Variants in BCL2 observed in about 807,000 individuals in gnomAD.
BCL2 encodes apoptosis regulator Bcl-2.
A neutral mutation model predicts 14.2 loss-of-function variants in BCL2; 1 was observed. That is an observed-to-expected ratio of 0.07 (90% confidence interval 0.02 to 0.33). The LOEUF (loss-of-function observed/expected upper bound fraction) is 0.33, where lower values mean the gene tolerates loss of function less well. Ranked by LOEUF, BCL2 falls within the 10% of genes least tolerant of loss-of-function variation. The pLI is 0.99. For missense variants in BCL2, 247 were observed against 305.9 expected (o/e 0.81, Z 1.44); for synonymous variants, 151 against 137.2 (o/e 1.10, Z -0.70).
chr18:63,297,539 T>A (rs1912833924), intron 2 of BCL2, among the ~76,000 whole-genome samples: 1 of 152,202 alleles, frequency 6.6e-6, no homozygotes, highest in Non-Finnish European at 1.5e-5. Context: ...CACACCTTGG[T>A]GGCACAGAGC....
chr18:63,168,944 C>A (rs190285610), intron 2 of BCL2, among the ~76,000 whole-genome samples: 4 of 152,208 alleles, frequency 2.6e-5, no homozygotes, highest in African/African-American at 9.7e-5. Flanking sequence ...ACACGCTCAG[C>A]GGTCATCTGT....
chr18:63,235,664 C>T (rs1184781894), intron 2 of BCL2, among the ~76,000 whole-genome samples: 4 of 150,994 alleles, frequency 2.6e-5, no homozygotes, highest in Non-Finnish European at 2.9e-5. Context: ...AAGGAAAAAG[C>T]GGGTGGAAAT....
intron 2 of BCL2, among the ~76,000 whole-genome samples, chr18:63,155,182 A>C (rs1490674377): frequency 1.3e-5 from 2 of 152,206 alleles, no homozygotes; most frequent in African/African-American, 4.8e-5. Context: ...AGGTCGGCAC[A>C]GGGCGGGCAG....
chr18:63,125,657 CA>C lies in BCL2; in HGVS notation c.*2967del. 4.8e-6 allele frequency: 1 copy of C among 209,654 alleles called. No individual in the cohort carries two copies. Among genetic ancestry groups the C allele is most frequent in the Admixed American group, 5.9e-5 (1 of 16,914 alleles). 13.0% of individuals were successfully genotyped at this position (209,654 alleles called of 1,614,324 possible). Reference sequence around the variant, plus strand: ...GGGATGGTTCTCTGTTGCCCAACTGCAAAATAATTAGATATAATGAAAAAAA... The same window carrying C: ...GGGATGGTTCTCTGTTGCCCAACTGCAAATAATTAGATATAATGAAAAAAA... On this transcript the variant is annotated 3_prime_UTR_variant, in exon 3 of 3. Coordinates refer to ENST00000333681, the MANE Select transcript of BCL2 (RefSeq NM_000633.3).
In BCL2 at chr18:63,318,523, G is replaced by A. The variant is rs767668991; in HGVS notation, c.144C>T (p.Ile48=). 7 of 1,573,766 alleles carry A rather than the reference G, an allele frequency of 4.4e-6. No individual in the cohort carries two copies. The highest frequency in any genetic ancestry group is 1.7e-4 in the Middle Eastern group (1 of 5,958). Residue 48 remains isoleucine (I), a synonymous_variant, in exon 2 of 3, where the codon ATC becomes ATT. Coordinates refer to ENST00000333681, the MANE Select transcript of BCL2 (RefSeq NM_000633.3). The surrounding 1 kb of genome is among the most constrained non-coding windows in gnomAD (Gnocchi z 7.4). ...GCGTGTGCCCGGGCTGGGAGGAGAA[G>A]ATGCCCGGTGCGGGGGCGGCCCCCG... ...APPGAAPAPG[I]FSSQPGHTPH... is the part of the protein sequence containing the mutation.
chr18:63,237,826 C>A (rs1910883054), intron 2 of BCL2, among the ~76,000 whole-genome samples: 1 of 152,116 alleles, frequency 6.6e-6, no homozygotes, highest in South Asian at 2.1e-4. Flanking sequence ...TGCTAACAAC[C>A]CATTGTAAAT....
Position 63,149,985 on chromosome 18 carries a change from T to C in BCL2, c.586-21226A>G, listed in dbSNP as rs910683672. 5.3e-5 allele frequency among the ~76,000 whole-genome samples: 8 copies of C among 152,232 alleles called. No homozygotes were observed. The East Asian group carries it at 1.4e-3, about 26-fold the overall frequency. On this transcript the variant is annotated intron_variant, in intron 2 of 2. Transcript: ENST00000333681. The surrounding 1 kb of genome is among the most constrained non-coding windows in gnomAD (Gnocchi z 4.2). ...GCCTCTGCCTCCCAGGTTCAAGCAATTCTCCTGCCTCAGTCTTCCCGAATG... is the reference window on the plus strand; with the variant it reads ...GCCTCTGCCTCCCAGGTTCAAGCAACTCTCCTGCCTCAGTCTTCCCGAATG...
intron 2 of BCL2, among the ~76,000 whole-genome samples, chr18:63,203,849 A>G (rs1909766088): frequency 6.6e-6 from 1 of 152,248 alleles, no homozygotes; most frequent in Non-Finnish European, 1.5e-5. Flanking sequence ...GTATTTCTTC[A>G]AATAATGTAC....
intron 2 of BCL2, among the ~76,000 whole-genome samples, chr18:63,303,323 T>C (rs1370746306): frequency 6.6e-6 from 1 of 152,160 alleles, no homozygotes; most frequent in Non-Finnish European, 1.5e-5. Flanking sequence ...TTTCAAAGGC[T>C]ATTTAAACAG....
At chr18:63,184,625 G>A (rs1915548771) in intron 2 of BCL2, among the ~76,000 whole-genome samples, 1 of 152,242 alleles carries the variant, frequency 6.6e-6, no homozygotes. Flanking sequence ...ATTGCAAAAG[G>A]ATTCCTGCTG....
At chr18:63,165,402 C>T (rs1025317525) in intron 2 of BCL2, among the ~76,000 whole-genome samples, 3 of 152,166 alleles carry the variant, frequency 2.0e-5, no homozygotes, top group Non-Finnish European at 4.4e-5. Context: ...TCTCTGACTG[C>T]CTTGTCTCCA....
intron 2 of BCL2, among the ~76,000 whole-genome samples, chr18:63,161,252 C>G (rs976408685): frequency 1.9e-4 from 29 of 152,256 alleles, no homozygotes; most frequent in Non-Finnish European, 2.4e-4. Context: ...TGAAATCCCC[C>G]CCTTGGACCA....
chr18:63,278,659 A>T (rs1211190214), intron 2 of BCL2, among the ~76,000 whole-genome samples: 7 of 151,962 alleles, frequency 4.6e-5, no homozygotes, highest in Non-Finnish European at 1.5e-5. Context: ...CTCCAGCCCA[A>T]TCTCTCTCCT....
In BCL2 at chr18:63,223,399, C is replaced by CAA. The variant is rs200044919; in HGVS notation, c.586-94642_586-94641dup. Among the ~76,000 whole-genome samples the CAA allele has an allele frequency of 1.4e-3, 117 of 83,814 alleles. No individual in the cohort carries two copies. The Middle Eastern group carries it at 0.019, about 14-fold the overall frequency. 55.0% of individuals were successfully genotyped at this position (83,814 alleles called of 152,430 possible). ...TGGGCGACAGAGCAAGACTCCGTTT[C>CAA]AAAAAAAAAAAATAAATAAAGAAGA... is the stretch of plus-strand genomic sequence containing the variant. On this transcript the variant is annotated intron_variant, in intron 2 of 2. Transcript: ENST00000333681.
At chr18:63,210,696 A>G (rs1337791646) in intron 2 of BCL2, among the ~76,000 whole-genome samples, 2 of 152,218 alleles carry the variant, frequency 1.3e-5, no homozygotes. Flanking sequence ...GAGTTTATCT[A>G]GCCCATAAGC....
Position 63,282,959 on chromosome 18 carries a change from T to A in BCL2, c.585+35123A>T, listed in dbSNP as rs73475374. 3.8e-3 allele frequency among the ~76,000 whole-genome samples: 586 copies of A among 152,324 alleles called. 3 individuals carry two copies. The highest frequency in any genetic ancestry group is 0.013 in the African/African-American group (544 of 41,576). On this transcript the variant is annotated intron_variant, in intron 2 of 2. Transcript: ENST00000333681. ...TCTTCTGAAACTCAATTCCCAGGCA[T>A]TTGGCTTTTGTTCCTGGGATTTCCA...
intron 2 of BCL2, chr18:63,314,305 C>T (rs1039979865): frequency 3.9e-5 from 6 of 152,186 alleles, no homozygotes; most frequent in African/African-American, 1.2e-4. Flanking sequence ...GATGCTCTTT[C>T]ATGTAATTTG....
At chr18:63,222,289 G>C (rs1469302289) in intron 2 of BCL2, among the ~76,000 whole-genome samples, 1 of 119,576 alleles carries the variant, frequency 8.4e-6, no homozygotes, top group East Asian at 2.3e-4. Context: ...AAAAAAAAAA[G>C]AAAAAGAAAA....
intron 2 of BCL2, among the ~76,000 whole-genome samples, chr18:63,169,297 T>TTCC (rs1555697330): frequency 0.011 from 991 of 88,528 alleles, 65 homozygotes; most frequent in Middle Eastern, 0.034. Context: ...TCTTTCTTTC[T>TTCC]TTCTTTCTTT....
Sources: gnomAD v4.1 joint callset for allele counts (sites outside exome capture counted in the v4.1 genomes callset) on GRCh38, gnomAD v4.1.1 for gene constraint, Gnocchi (gnomAD v3.1) non-coding constraint, MANE v1.5 for transcripts, NCBI Gene and HGNC (gene_info 2026-07-23, HGNC 2026-07-21) for gene names.